The following PTPN5 variants were observed in gnomAD, a reference collection of about 807,000 sequenced individuals.
The protein encoded by PTPN5 is tyrosine-protein phosphatase non-receptor type 5.
In PTPN5, 29 loss-of-function variants were observed where a neutral mutation model predicts 73.9. The observed-to-expected ratio is 0.39, with a 90% CI of 0.29 to 0.54. The LOEUF (loss-of-function observed/expected upper bound fraction) is 0.54, where lower values mean the gene tolerates loss of function less well. PTPN5 is among the 20% of genes least tolerant of loss of function. The pLI, the probability that PTPN5 is intolerant of heterozygous loss-of-function variation, is 0.65. For missense variants in PTPN5, 652 were observed against 751.4 expected (o/e 0.87, Z 1.55); for synonymous variants, 267 against 304.7 (o/e 0.88, Z 1.29).
intron 8 of PTPN5, among the ~76,000 whole-genome samples, chr11:18,738,748 C>T (rs1849230329): frequency 6.6e-6 from 1 of 151,960 alleles, no homozygotes; most frequent in African/African-American, 2.4e-5. Flanking sequence ...CCGAGGCAGG[C>T]GGATCACAAA....
At chr11:18,778,286 T>G (rs1851264462) in intron 1 of PTPN5, among the ~76,000 whole-genome samples, 1 of 152,210 alleles carries the variant, frequency 6.6e-6, no homozygotes, top group Admixed American at 6.5e-5. Context: ...ATATTACTGT[T>G]AAGAGTTTCA....
In PTPN5 at chr11:18,742,606, C is replaced by T; in HGVS notation, c.484-103G>A. On this transcript the variant is annotated intron_variant, in intron 6 of 14. Transcript: ENST00000358540. The surrounding 1 kb of genome is among the most constrained non-coding windows in gnomAD (Gnocchi z 4.1). Reference sequence around the variant, plus strand: ...ACGCCCCCCCACTCCCTCAGTGTGTCTAGAGCAGCTCTGCTCTCCTGGGAG... The same window carrying T: ...ACGCCCCCCCACTCCCTCAGTGTGTTTAGAGCAGCTCTGCTCTCCTGGGAG... The T allele has an allele frequency of 6.7e-7, 1 of 1,502,530 alleles. No homozygotes were observed. Among genetic ancestry groups the T allele is most frequent in the Non-Finnish European group, 8.9e-7 (1 of 1,122,242 alleles). 93.1% of individuals were successfully genotyped at this position (1,502,530 alleles called of 1,614,324 possible).
At position 18,729,095 on chromosome 11, in the gene PTPN5, G is replaced by A; in HGVS notation, c.1605-68C>T. ...ATGGGCTGTGGGAGGTGCCCCAAAAGCCATGGAGTAGCAATCACTTGCCAG... is the reference window on the plus strand; with the variant it reads ...ATGGGCTGTGGGAGGTGCCCCAAAAACCATGGAGTAGCAATCACTTGCCAG... On this transcript the variant is annotated intron_variant, in intron 14 of 14. Coordinates refer to ENST00000358540, the MANE Select transcript of PTPN5 (RefSeq NM_006906.2). This position sits in a 1 kb window ranked among gnomAD's most constrained non-coding sequence, Gnocchi z 5.2. 1 of 1,532,858 alleles carries A rather than the reference G, an allele frequency of 6.5e-7. No individual in the cohort carries two copies. The highest frequency in any genetic ancestry group is 1.1e-5 in the South Asian group (1 of 87,322). The allele number at this position is 1,532,858 out of a possible 1,614,324, so 95.0% of individuals were successfully genotyped here. A position where few individuals can be genotyped will look rare whatever the true frequency, so the allele number is the denominator to read the frequency against.
chr11:18,790,471 G>A (rs1337017138), intron 1 of PTPN5, among the ~76,000 whole-genome samples: 1 of 152,134 alleles, frequency 6.6e-6, no homozygotes, highest in East Asian at 1.9e-4. Flanking sequence ...CAGGACTAAC[G>A]CCTGGGAATC....
chr11:18,764,905 A>G lies in PTPN5; in HGVS notation c.97+902T>C, dbSNP rs11024791. Among the ~76,000 whole-genome samples, 528 of 151,870 alleles carry G rather than the reference A, an allele frequency of 3.5e-3. 3 individuals carry two copies. The highest frequency in any genetic ancestry group is 0.011 in the East Asian group (57 of 5,140). On this transcript the variant is annotated intron_variant, in intron 3 of 14. Coordinates refer to ENST00000358540, the MANE Select transcript of PTPN5 (RefSeq NM_006906.2). The stretch of plus-strand genomic sequence containing the variant: ...TTTTTTGTATTTTTAGTAGAGACGG[A>G]GTTTCACCATGTTAGCCAGGATGGT...
In PTPN5 at chr11:18,746,806, C is replaced by T. The variant is rs540550968; in HGVS notation, c.98-2607G>A. On this transcript the variant is annotated intron_variant, in intron 3 of 14. Transcript: ENST00000358540. ...GAGCAAGGTGAAAAAGGAAAAGCTA[C>T]TGCTAAAAGAAGGATCACGTGGGAA... is the stretch of plus-strand genomic sequence containing the variant. Among the ~76,000 whole-genome samples, 4 of 152,294 alleles carry T rather than the reference C, an allele frequency of 2.6e-5. No individual in the cohort carries two copies. The East Asian group carries it at 7.7e-4, about 29-fold the overall frequency.
At chr11:18,755,340 T>TG (rs1850081643) in intron 3 of PTPN5, among the ~76,000 whole-genome samples, 1 of 152,216 alleles carries the variant, frequency 6.6e-6, no homozygotes, top group African/African-American at 2.4e-5. Context: ...ACTTAGGCCA[T>TG]GCGGCTAAGT....
chr11:18,786,096 T>G (rs1851654199), intron 1 of PTPN5, among the ~76,000 whole-genome samples: 1 of 152,214 alleles, frequency 6.6e-6, no homozygotes, highest in South Asian at 2.1e-4. Flanking sequence ...GTCTAAGAGT[T>G]TGGAAATTAC....
At chr11:18,785,117 T>G (rs967393823) in intron 1 of PTPN5, among the ~76,000 whole-genome samples, 143 of 152,262 alleles carry the variant, frequency 9.4e-4, no homozygotes, top group African/African-American at 3.4e-3. Context: ...CCTCCCAAAG[T>G]GCTGGGATTA....
At chr11:18,744,779 T>A (rs1849541815) in intron 3 of PTPN5, among the ~76,000 whole-genome samples, 1 of 152,326 alleles carries the variant, frequency 6.6e-6, no homozygotes, top group East Asian at 1.9e-4. Context: ...GTAGCAGAAT[T>A]GATACCAGAT....
At chr11:18,731,952 T>G (rs750992524) in intron 12 of PTPN5, among the ~76,000 whole-genome samples, 1 of 152,184 alleles carries the variant, frequency 6.6e-6, no homozygotes, top group Non-Finnish European at 1.5e-5. Context: ...CAGAATCCAC[T>G]AATCCCGATT....
Position 18,733,480 on chromosome 11 carries a change from G to T in PTPN5, c.1080+76C>A, listed in dbSNP as rs1025357165. 1.9e-6 allele frequency: 3 copies of T among 1,611,834 alleles called. No individual in the cohort carries two copies. In the African/African-American group the frequency reaches 4.0e-5, roughly 22 times the overall value. On this transcript the variant is annotated intron_variant, in intron 10 of 14. Coordinates refer to ENST00000358540, the MANE Select transcript of PTPN5 (RefSeq NM_006906.2). The surrounding 1 kb of genome is among the most constrained non-coding windows in gnomAD (Gnocchi z 4.3). ...GCTGGCAGGAGCCAGACTGGTGTAG[G>T]GACAAGGCTGGAGGATGGATCCCAT... is the stretch of plus-strand genomic sequence containing the variant.
intron 4 of PTPN5, 152 bp downstream of exon 4, chr11:18,743,854 T>G (rs1351674426): frequency 7.0e-6 from 6 of 858,326 alleles, no homozygotes; most frequent in Non-Finnish European, 1.0e-5. Flanking sequence ...GCCTTCCCCT[T>G]ATCCCAGCCT....
intron 3 of PTPN5, among the ~76,000 whole-genome samples, chr11:18,748,434 C>T (rs1175996975): frequency 1.3e-5 from 2 of 152,144 alleles, no homozygotes; most frequent in Non-Finnish European, 2.9e-5. Flanking sequence ...CCTGGCAGCC[C>T]TGGGGACCAG....
chr11:18,729,170 C>T lies in PTPN5; in HGVS notation c.1605-143G>A, dbSNP rs1590468327. On this transcript the variant is annotated intron_variant, in intron 14 of 14. Transcript: ENST00000358540. This position sits in a 1 kb window ranked among gnomAD's most constrained non-coding sequence, Gnocchi z 5.2. ...AGACCAACCCTTGCCAACCATTACCCTCTGCCCCTTCCTATCAGGGACACA... is the reference window on the plus strand; with the variant it reads ...AGACCAACCCTTGCCAACCATTACCTTCTGCCCCTTCCTATCAGGGACACA... 1 of 747,992 alleles carries T rather than the reference C, an allele frequency of 1.3e-6. No individual in the cohort carries two copies. Among genetic ancestry groups the T allele is most frequent in the East Asian group, 2.6e-5 (1 of 37,884 alleles). 46.3% of individuals were successfully genotyped at this position (747,992 alleles called of 1,614,324 possible).
intron 3 of PTPN5, among the ~76,000 whole-genome samples, chr11:18,765,546 T>C (rs1208764047): frequency 6.6e-6 from 1 of 152,222 alleles, no homozygotes; most frequent in Non-Finnish European, 1.5e-5. Flanking sequence ...CTCTTCGTCC[T>C]TCTTTTCACT....
chr11:18,791,123 T>C (rs1851901273), intron 1 of PTPN5, among the ~76,000 whole-genome samples: 1 of 152,154 alleles, frequency 6.6e-6, no homozygotes, highest in African/African-American at 2.4e-5. Context: ...AGCCGCGCTT[T>C]AGAGGCCAGA....
chr11:18,752,053 A>G (rs2134254260), intron 3 of PTPN5, among the ~76,000 whole-genome samples: 1 of 152,254 alleles, frequency 6.6e-6, no homozygotes, highest in South Asian at 2.1e-4. Flanking sequence ...CAATATGGTA[A>G]AACCCCGTCT....
chr11:18,738,011 A>G (rs772782417), intron 8 of PTPN5, 47 bp from the exon 9 acceptor site: 33 of 1,515,358 alleles, frequency 2.2e-5, no homozygotes, highest in African/African-American at 5.5e-5. Context: ...GCCCTCACAG[A>G]TGTTTGAATC....
Sources: allele counts gnomAD v4.1 joint callset (sites outside exome capture counted in the v4.1 genomes callset), GRCh38; gene constraint gnomAD v4.1.1; non-coding constraint Gnocchi (gnomAD v3.1); transcripts MANE v1.5; gene names NCBI Gene and HGNC (gene_info 2026-07-23, HGNC 2026-07-21).